Variants in RASSF5 observed in about 807,000 individuals in gnomAD.
RASSF5 encodes ras association domain-containing protein 5.
A neutral mutation model predicts 40.5 loss-of-function variants in RASSF5; 25 were observed. The observed-to-expected ratio is 0.62, with a 90% CI of 0.45 to 0.86. The LOEUF (loss-of-function observed/expected upper bound fraction) is 0.86. Ranked by LOEUF, RASSF5 falls within the 40% of genes least tolerant of loss-of-function variation. The pLI, the probability that RASSF5 is intolerant of heterozygous loss-of-function variation, is 0.00. For synonymous variants in RASSF5, 246 were observed against 252.4 expected (o/e 0.97, Z 0.24); for missense variants, 521 against 572.8 (o/e 0.91, Z 0.92).
At chr1:206,547,113 AC>A (rs1428726276) in intron 2 of RASSF5, among the ~76,000 whole-genome samples, 1 of 152,198 alleles carries the variant, frequency 6.6e-6, no homozygotes, top group African/African-American at 2.4e-5. Context: ...TCTATTTTAT[AC>A]CAAAAAAAAT....
At chr1:206,519,069 C>T (rs1279834823) in intron 1 of RASSF5, among the ~76,000 whole-genome samples, 2 of 152,086 alleles carry the variant, frequency 1.3e-5, no homozygotes, top group East Asian at 1.9e-4. Context: ...ACAGGAGTCC[C>T]GGCCTCGGGA....
In RASSF5 at chr1:206,513,441, G is replaced by A. The variant is rs1666669689; in HGVS notation, c.457+5382G>A. 6.6e-6 allele frequency among the ~76,000 whole-genome samples: 1 copy of A among 152,224 alleles called. No homozygotes were observed. The highest frequency in any genetic ancestry group is 6.5e-5 in the Admixed American group (1 of 15,290). Reference sequence around the variant, plus strand: ...CTCCCCACCCCCAGCCCTTCTGAGGGAACCATGTTCCTGGGGCTCAGTCAG... The same window carrying A: ...CTCCCCACCCCCAGCCCTTCTGAGGAAACCATGTTCCTGGGGCTCAGTCAG... On this transcript the variant is annotated intron_variant, in intron 1 of 5. Coordinates refer to ENST00000579436, the MANE Select transcript of RASSF5 (RefSeq NM_182663.4). The surrounding 1 kb of genome is among the most constrained non-coding windows in gnomAD (Gnocchi z 5.0).
chr1:206,581,824 G>T (rs114654051), intron 2 of RASSF5, among the ~76,000 whole-genome samples: 2,614 of 152,168 alleles, frequency 0.017, 78 homozygotes, highest in African/African-American at 0.06. Context: ...GTTCAGGGTG[G>T]CGTGTCTCCC....
chr1:206,554,121 G>T (rs1667920222), intron 2 of RASSF5, among the ~76,000 whole-genome samples: 1 of 152,184 alleles, frequency 6.6e-6, no homozygotes, highest in Non-Finnish European at 1.5e-5. Flanking sequence ...GGGGTGCGGT[G>T]GCACCTTGCC....
Position 206,563,593 on chromosome 1 carries a change from G to T in RASSF5, c.580-19676G>T, listed in dbSNP as rs1437938762. Among the ~76,000 whole-genome samples, 4 of 152,312 alleles carry T rather than the reference G, an allele frequency of 2.6e-5. No homozygotes were observed. In the East Asian group the frequency reaches 7.7e-4, roughly 29 times the overall value. On this transcript the variant is annotated intron_variant, in intron 2 of 5. Transcript: ENST00000579436. ...ACTCTTTGAGAATGGAGTTTCAGGG[G>T]CCCTACTCCAGAGCTACTGGCTCCT...
At position 206,507,712 on chromosome 1, in the gene RASSF5, C is replaced by T; in HGVS notation, c.110C>T (p.Pro37Leu). 6.7e-7 allele frequency: 1 copy of T among 1,487,578 alleles called. No individual in the cohort carries two copies. Among genetic ancestry groups the T allele is most frequent in the Admixed American group, 2.3e-5 (1 of 43,236 alleles). The allele number at this position is 1,487,578 out of a possible 1,614,324, so 92.1% of individuals were successfully genotyped here. The change falls in exon 1 of 6, where the codon CCC becomes CTC. Residue 37 changes from proline to leucine, a missense_variant. Pro to Leu is a moderately conservative substitution (Grantham distance 98). Transcript: ENST00000579436. ...AGCGGCCCCGAGCTACCGCCGCCGCCCCCCGACCGGTCCTCGCGCCTCTGT... is the reference window on the plus strand; with the variant it reads ...AGCGGCCCCGAGCTACCGCCGCCGCTCCCCGACCGGTCCTCGCGCCTCTGT... ...SLSGPELPPP[P>L]PDRSSRLCVP... is the part of the protein sequence containing the mutation.
At chr1:206,585,561 C>T (rs1311093459) in intron 5 of RASSF5, 10 of 291,146 alleles carry the variant, frequency 3.4e-5, no homozygotes, top group African/African-American at 2.2e-4. Context: ...TCTGAAAACT[C>T]AGGGAGGAGG....
chr1:206,586,319 A>G (rs1395604010), intron 5 of RASSF5: 1 of 157,078 alleles, frequency 6.4e-6, no homozygotes, highest in Non-Finnish European at 1.4e-5. Flanking sequence ...TGGGCCAGTC[A>G]GGCTCTCATT....
chr1:206,585,473 T>A (rs1553407455), intron 5 of RASSF5, 178 bp downstream of exon 5: 3 of 574,990 alleles, frequency 5.2e-6, no homozygotes, highest in Non-Finnish European at 9.4e-6. Context: ...CAGCCAGGAC[T>A]CTGAACACCC....
chr1:206,568,246 A>G (rs551575020), intron 2 of RASSF5, among the ~76,000 whole-genome samples: 1 of 152,326 alleles, frequency 6.6e-6, no homozygotes, highest in East Asian at 1.9e-4. Context: ...AGCTAAGTGG[A>G]TATGTTTCAG....
chr1:206,531,192 C>G lies in RASSF5; in HGVS notation c.458-6980C>G, dbSNP rs908766157. ...TCGCACTCTGGTCTCTCCACTTCAA[C>G]AAAGGGCAGCAGAGAAGCATTCCTT... is the stretch of plus-strand genomic sequence containing the variant. On this transcript the variant is annotated intron_variant, in intron 1 of 5. Coordinates refer to ENST00000579436, the MANE Select transcript of RASSF5 (RefSeq NM_182663.4). This position sits in a 1 kb window ranked among gnomAD's most constrained non-coding sequence, Gnocchi z 4.7. 6.6e-6 allele frequency among the ~76,000 whole-genome samples: 1 copy of G among 152,220 alleles called. No individual in the cohort carries two copies. Among genetic ancestry groups the G allele is most frequent in the African/African-American group, 2.4e-5 (1 of 41,454 alleles).
chr1:206,519,091 C>T (rs1666837426), intron 1 of RASSF5, among the ~76,000 whole-genome samples: 1 of 152,058 alleles, frequency 6.6e-6, no homozygotes, highest in Non-Finnish European at 1.5e-5. Flanking sequence ...GTGGCCAGAC[C>T]ACTGATTCCT....
chr1:206,524,229 A>G (rs1382269280), intron 1 of RASSF5, among the ~76,000 whole-genome samples: 6 of 139,016 alleles, frequency 4.3e-5, no homozygotes, highest in African/African-American at 1.6e-4. Context: ...TAATATAGAT[A>G]CCATATGTAA....
intron 1 of RASSF5, chr1:206,529,690 C>T: frequency 5.4e-6 from 4 of 737,016 alleles, no homozygotes; most frequent in Non-Finnish European, 9.9e-6. Context: ...AAAGAACTTG[C>T]CACTAAACCG....
chr1:206,512,473 G>C (rs1194748128), intron 1 of RASSF5, among the ~76,000 whole-genome samples: 1 of 152,210 alleles, frequency 6.6e-6, no homozygotes, highest in Non-Finnish European at 1.5e-5. Context: ...AATGCCACTT[G>C]TCTGCCAGCC....
At chr1:206,544,645 A>C (rs1273477324) in intron 2 of RASSF5, 1 of 147,642 alleles carries the variant, frequency 6.8e-6, no homozygotes, top group East Asian at 1.9e-4. Context: ...CCAGGGTTCC[A>C]GGATAGATCA....
rs546594096 is a variant in RASSF5 at position 206,551,583 on chromosome 1, C to T, written c.579+13290C>T. 5.3e-5 allele frequency among the ~76,000 whole-genome samples: 8 copies of T among 152,348 alleles called. No individual in the cohort carries two copies. The South Asian group carries it at 1.2e-3, about 24-fold the overall frequency. The stretch of plus-strand genomic sequence containing the variant: ...ACCAGCCCCAGATGGGCCCAGCCCA[C>T]GCCAATGTATTTCTGATTAGGCAGA... On this transcript the variant is annotated intron_variant, in intron 2 of 5. Transcript: ENST00000579436.
At chr1:206,534,323 A>G (rs1052243766) in intron 1 of RASSF5, among the ~76,000 whole-genome samples, 2 of 152,178 alleles carry the variant, frequency 1.3e-5, no homozygotes, top group Non-Finnish European at 2.9e-5. Context: ...ATCCCCTAGC[A>G]ATAGGGATAG....
chr1:206,575,537 A>G (rs1278274936), intron 2 of RASSF5, among the ~76,000 whole-genome samples: 2 of 152,108 alleles, frequency 1.3e-5, no homozygotes, highest in Non-Finnish European at 2.9e-5. Context: ...GCGGTTAGAA[A>G]TGTTCTTTGT....
Sources: gnomAD v4.1 joint callset for allele counts (sites outside exome capture counted in the v4.1 genomes callset) on GRCh38, gnomAD v4.1.1 for gene constraint, Gnocchi (gnomAD v3.1) non-coding constraint, MANE v1.5 for transcripts, NCBI Gene and HGNC (gene_info 2026-07-23, HGNC 2026-07-21) for gene names.